The following TNC variants were observed in gnomAD, a reference collection of about 807,000 sequenced individuals.
TNC encodes the protein tenascin.
A neutral mutation model predicts 202.4 loss-of-function variants in TNC; 109 were observed. The ratio of observed to expected loss-of-function variants is 0.54; its 90% CI spans 0.46 to 0.63. TNC has a LOEUF of 0.63. Among genes scored for constraint, TNC ranks in the 30% least tolerant of loss-of-function variants. TNC has a pLI of 0.00. For synonymous variants in TNC, 1,007 were observed against 1,089.7 expected (o/e 0.92, Z 1.50); for missense variants, 2,756 against 2,833.3 (o/e 0.97, Z 0.62).
intron 27 of TNC, among the ~76,000 whole-genome samples, chr9:115,022,469 T>C (rs1244048361): frequency 6.6e-6 from 1 of 152,216 alleles, no homozygotes; most frequent in African/African-American, 2.4e-5. Flanking sequence ...GAGCTGGAGC[T>C]GGGGCTCCCC....
chr9:115,033,556 T>C lies in TNC; in HGVS notation c.5787+1648A>G, dbSNP rs572878347. ...AAGTCCAAGGCATTCATTTTACAGA[T>C]GGGAACACTGACACCCAGAGAAGAT... is the stretch of plus-strand genomic sequence containing the variant. On this transcript the variant is annotated intron_variant, in intron 22 of 27. Coordinates refer to ENST00000350763, the MANE Select transcript of TNC (RefSeq NM_002160.4). Among the ~76,000 whole-genome samples, 20 of 152,270 alleles carry C rather than the reference T, an allele frequency of 1.3e-4. No individual in the cohort carries two copies. In the Middle Eastern group the frequency reaches 0.014, roughly 104 times the overall value.
At chr9:115,097,330 C>T (rs1203948277) in intron 1 of TNC, among the ~76,000 whole-genome samples, 1 of 152,116 alleles carries the variant, frequency 6.6e-6, no homozygotes, top group Non-Finnish European at 1.5e-5. Flanking sequence ...TGGCACAGTG[C>T]CTGGCACACA....
intron 1 of TNC, among the ~76,000 whole-genome samples, chr9:115,100,998 G>GGA: frequency 6.6e-6 from 1 of 152,268 alleles, no homozygotes. Context: ...GTGGGATCCT[G>GGA]GAGAGCATTT....
At chr9:115,039,019 G>GT (rs1351289440) in intron 19 of TNC, among the ~76,000 whole-genome samples, 4 of 152,058 alleles carry the variant, frequency 2.6e-5, no homozygotes, top group African/African-American at 9.7e-5. Flanking sequence ...GTAGAGATGG[G>GT]TTTTTTCACC....
chr9:115,074,027 TA>T (rs1833661202), intron 9 of TNC, among the ~76,000 whole-genome samples, 161 bp from the exon 10 acceptor site: 1 of 152,118 alleles, frequency 6.6e-6, no homozygotes, highest in Non-Finnish European at 1.5e-5. Flanking sequence ...TTTACTTTTG[TA>T]AAATAGGTCT....
At position 115,026,691 on chromosome 9, in the gene TNC, C is replaced by T; in HGVS notation, c.6174G>A (p.Leu2058=). ...GDRREEFWLG[L]DNLNKITAQG... is the part of the protein sequence containing the mutation. ...GGGCTGTGATTTTGTTCAGGTTGTC[C>T]AGCCCTGTGGATGACAGGCAAGGGT... is the stretch of plus-strand genomic sequence containing the variant. Residue 2058 remains leucine, a synonymous_variant, in exon 26 of 28, where the codon CTG becomes CTA. Transcript: ENST00000350763. The T allele has an allele frequency of 6.2e-7, 1 of 1,613,660 alleles. No individual in the cohort carries two copies. Among genetic ancestry groups the T allele is most frequent in the Non-Finnish European group, 8.5e-7 (1 of 1,179,872 alleles).
intron 17 of TNC, among the ~76,000 whole-genome samples, chr9:115,042,606 G>A (rs2132006563): frequency 6.6e-6 from 1 of 152,260 alleles, no homozygotes; most frequent in East Asian, 1.9e-4. Flanking sequence ...TGACTTCCAA[G>A]GAATCGTGGG....
intron 20 of TNC, among the ~76,000 whole-genome samples, chr9:115,037,801 A>G (rs1187202414): frequency 6.6e-6 from 1 of 152,350 alleles, no homozygotes; most frequent in Non-Finnish European, 1.5e-5. Context: ...GTGCTGGATT[A>G]CAGATGTAAG....
In TNC at chr9:115,059,955, C is replaced by T. The variant is rs1222964805; in HGVS notation, c.4081G>A (p.Asp1361Asn). The T allele has an allele frequency of 6.2e-7, 1 of 1,614,098 alleles. No homozygotes were observed. The highest frequency in any genetic ancestry group is 1.7e-5 in the Admixed American group (1 of 60,016). ...GDLAVSEVGW[D>N]GLRLNWTAAD... ...GCGGTCCAGTTGAGTCTGAGGCCAT[C>T]CCAGCCAACCTCAGACACGGCTAAA... Residue 1361 changes from aspartate (D) to asparagine (N), a missense_variant, in exon 14 of 28, where the codon GAT becomes AAT. By Grantham distance (23) the Asp-to-Asn change is conservative (BLOSUM62 1). Around this residue, in one of 2 missense-constraint regions of TNC, gnomAD observed 2,559 missense variants for 2,546.0 expected, o/e 1.01. Coordinates refer to ENST00000350763, the MANE Select transcript of TNC (RefSeq NM_002160.4).
At chr9:115,104,322 C>T (rs1178860853) in intron 1 of TNC, among the ~76,000 whole-genome samples, 1 of 152,188 alleles carries the variant, frequency 6.6e-6, no homozygotes, top group Non-Finnish European at 1.5e-5. Flanking sequence ...GAACCGATTA[C>T]AGACAGACTT....
chr9:115,075,372 T>C (rs1346145968), intron 9 of TNC, among the ~76,000 whole-genome samples: 1 of 152,124 alleles, frequency 6.6e-6, no homozygotes, highest in Non-Finnish European at 1.5e-5. Context: ...AGTTAGGTGT[T>C]TTCTCAGAGA....
intron 2 of TNC, among the ~76,000 whole-genome samples, chr9:115,088,785 T>G (rs755307673): frequency 6.6e-6 from 1 of 151,956 alleles, no homozygotes; most frequent in Non-Finnish European, 1.5e-5. Flanking sequence ...TATTAGGCAT[T>G]GAAACGTGGC....
chr9:115,023,311 T>G (rs567024023), intron 27 of TNC, among the ~76,000 whole-genome samples: 4 of 152,274 alleles, frequency 2.6e-5, no homozygotes, highest in Admixed American at 6.5e-5. Flanking sequence ...CCACACAGCT[T>G]TACACTTTTC....
intron 1 of TNC, among the ~76,000 whole-genome samples, chr9:115,101,929 G>C (rs1292535980): frequency 1.3e-5 from 2 of 152,138 alleles, no homozygotes; most frequent in African/African-American, 4.8e-5. Flanking sequence ...TAATCAGGAA[G>C]TTGACATCAT....
At chr9:115,035,648 T>A (rs1830266802) in intron 21 of TNC, 1 of 292,182 alleles carries the variant, frequency 3.4e-6, no homozygotes, top group African/African-American at 2.2e-5. Flanking sequence ...AATGCTAATA[T>A]CAATACTCAC....
At chr9:115,040,797 T>G (rs760435863) in intron 19 of TNC, 144 bp downstream of exon 19, 83 of 1,110,168 alleles carry the variant, frequency 7.5e-5, no homozygotes, top group Non-Finnish European at 9.5e-5. Flanking sequence ...CACTTTCCAC[T>G]AGGATCTCAT....
intron 26 of TNC, among the ~76,000 whole-genome samples, chr9:115,026,105 C>T (rs781160351): frequency 6.6e-6 from 1 of 152,154 alleles, no homozygotes; most frequent in Non-Finnish European, 1.5e-5. Context: ...GAATCTCAGC[C>T]CCATCCCAGA....
In TNC at chr9:115,078,008, T is replaced by G. The variant is rs764190251; in HGVS notation, c.2609A>C (p.Glu870Ala). 6.8e-6 allele frequency: 11 copies of G among 1,614,234 alleles called. No individual in the cohort carries two copies. The South Asian group carries it at 1.2e-4, about 18-fold the overall frequency. Residue 870 changes from glutamate (E) to alanine (A), a missense_variant, in exon 7 of 28, where the codon GAG becomes GCG. Physicochemically the swap from Glu to Ala is moderately radical, Grantham distance 107. Coordinates refer to ENST00000350763, the MANE Select transcript of TNC (RefSeq NM_002160.4). The part of the protein sequence containing the change: ...IGNLKPDTEY[E>A]VSLISRRGDM... ...ACCTCTGCGGGAGATGAGGGACACC[T>G]CGTACTCAGTGTCAGGCTTCAGGTT...
At chr9:115,056,056 GA>G (rs557614877) in intron 15 of TNC, among the ~76,000 whole-genome samples, 163 of 152,284 alleles carry the variant, frequency 1.1e-3, no homozygotes, top group African/African-American at 3.8e-3. Context: ...GTAGAATGAG[GA>G]CAGACCCTCT....
Sources: allele counts gnomAD v4.1 joint callset (sites outside exome capture counted in the v4.1 genomes callset), GRCh38; gene constraint gnomAD v4.1.1; regional missense constraint gnomAD v4.1.1; transcripts MANE v1.5; gene names NCBI Gene and HGNC (gene_info 2026-07-23, HGNC 2026-07-21).